Variants in KCND2 observed in about 807,000 individuals in gnomAD.
KCND2 encodes the protein potassium voltage-gated channel subfamily D member 2.
KCND2 carries 16 observed loss-of-function variants against 54.4 expected under a neutral mutation model. That is an observed-to-expected ratio of 0.29 (90% CI 0.20 to 0.45). The LOEUF (loss-of-function observed/expected upper bound fraction) is 0.45, where lower values mean the gene tolerates loss of function less well. Ranked by LOEUF, KCND2 falls within the 20% of genes least tolerant of loss-of-function variation. The pLI is 1.00. For missense variants in KCND2, 486 were observed against 824.2 expected, an observed-to-expected ratio of 0.59 and a Z score of 5.02; for synonymous variants, 317 against 310.7, an observed-to-expected ratio of 1.02 and a Z score of -0.21.
At chr7:120,477,061 G>A (rs866255328) in intron 1 of KCND2, among the ~76,000 whole-genome samples, 1 of 152,136 alleles carries the variant, frequency 6.6e-6, no homozygotes, top group African/African-American at 2.4e-5. Context: ...GTGCATAATG[G>A]TAAGCTACAG....
At chr7:120,690,798 T>C (rs1036005222) in intron 1 of KCND2, among the ~76,000 whole-genome samples, 6 of 152,180 alleles carry the variant, frequency 3.9e-5, no homozygotes, top group Non-Finnish European at 7.3e-5. Flanking sequence ...TTTGCCCTTA[T>C]GGATCTTACA....
At chr7:120,484,134 T>G (rs1255730658) in intron 1 of KCND2, among the ~76,000 whole-genome samples, 1 of 152,046 alleles carries the variant, frequency 6.6e-6, no homozygotes, top group African/African-American at 2.4e-5. Flanking sequence ...GATTTAAGTG[T>G]GAGAAGGCAG....
intron 1 of KCND2, among the ~76,000 whole-genome samples, chr7:120,377,941 A>AC (rs1800859088): frequency 6.6e-6 from 1 of 151,626 alleles, no homozygotes; most frequent in Non-Finnish European, 1.5e-5. Flanking sequence ...ATGTAATGTG[A>AC]CCCCCACTAA....
At chr7:120,744,662 C>T (rs1449499575) in intron 4 of KCND2, among the ~76,000 whole-genome samples, 1 of 152,052 alleles carries the variant, frequency 6.6e-6, no homozygotes, top group Non-Finnish European at 1.5e-5. Flanking sequence ...TTTCAAAATG[C>T]TTGTCTCAGC....
chr7:120,697,145 A>G (rs985043350), intron 1 of KCND2, among the ~76,000 whole-genome samples: 12 of 152,154 alleles, frequency 7.9e-5, no homozygotes, highest in African/African-American at 2.9e-4. Context: ...GTGAGTTTTC[A>G]TTCTAATTAC....
intron 1 of KCND2, among the ~76,000 whole-genome samples, chr7:120,326,257 A>AAC (rs1292513546): frequency 6.6e-6 from 1 of 152,072 alleles, no homozygotes; most frequent in Non-Finnish European, 1.5e-5. Flanking sequence ...GCACTCTGAT[A>AAC]AATTCAATGT....
chr7:120,350,820 T>A (rs985839535), intron 1 of KCND2, among the ~76,000 whole-genome samples: 2 of 152,200 alleles, frequency 1.3e-5, no homozygotes, highest in African/African-American at 4.8e-5. Flanking sequence ...TGCCAACTTC[T>A]AAGTTGTGTT....
chr7:120,729,268 A>G (rs1451077192), intron 1 of KCND2, among the ~76,000 whole-genome samples: 3 of 152,242 alleles, frequency 2.0e-5, no homozygotes, highest in African/African-American at 7.2e-5. Context: ...CAAAATGAGT[A>G]ATGTAAAAAC....
intron 1 of KCND2, among the ~76,000 whole-genome samples, chr7:120,423,935 T>G (rs912931333): frequency 6.6e-6 from 1 of 152,178 alleles, no homozygotes; most frequent in African/African-American, 2.4e-5. Flanking sequence ...CTCACAACCT[T>G]TGTATGACAA....
chr7:120,460,558 C>CTT (rs67237835), intron 1 of KCND2, among the ~76,000 whole-genome samples: 9,452 of 130,190 alleles, frequency 0.073, 1,034 homozygotes, highest in African/African-American at 0.24. Context: ...CCACCACGGC[C>CTT]TTTTTTTTTT....
At chr7:120,530,167 T>A (rs1791825396) in intron 1 of KCND2, among the ~76,000 whole-genome samples, 1 of 152,192 alleles carries the variant, frequency 6.6e-6, no homozygotes, top group African/African-American at 2.4e-5. Flanking sequence ...TGTACATTTT[T>A]AAATAACTAA....
intron 1 of KCND2, among the ~76,000 whole-genome samples, chr7:120,678,343 T>TTATATATATATATATATATATA (rs3067141): frequency 8.3e-6 from 1 of 120,272 alleles, no homozygotes; most frequent in Admixed American, 8.5e-5. Context: ...GTATGATTAT[T>TTATATATATATATATATATATA]TATATATATA....
chr7:120,443,249 G>A (rs1801968054), intron 1 of KCND2, among the ~76,000 whole-genome samples: 2 of 151,838 alleles, frequency 1.3e-5, no homozygotes, highest in Admixed American at 1.3e-4. Flanking sequence ...ATAAATTCTG[G>A]CTTTGAAATA....
At chr7:120,451,341 A>G (rs1050149969) in intron 1 of KCND2, among the ~76,000 whole-genome samples, 5 of 152,224 alleles carry the variant, frequency 3.3e-5, no homozygotes, top group Non-Finnish European at 5.9e-5. Flanking sequence ...AACTCTGTTG[A>G]CAGAGTAGGG....
intron 1 of KCND2, among the ~76,000 whole-genome samples, chr7:120,711,915 G>T (rs969018942): frequency 6.6e-6 from 1 of 152,068 alleles, no homozygotes; most frequent in African/African-American, 2.4e-5. Flanking sequence ...AAAATACACA[G>T]GCTAAAGTGA....
In KCND2 at chr7:120,747,838, G is replaced by T. The variant is rs757426235; in HGVS notation, c.1873G>T (p.Val625Phe). 39 of 1,611,840 alleles carry T rather than the reference G, an allele frequency of 2.4e-5. No individual in the cohort carries two copies. The highest frequency in any genetic ancestry group is 1.6e-4 in the Middle Eastern group (1 of 6,078). Residue 625 changes from valine (V) to phenylalanine (F), a missense_variant, in exon 6 of 6, where the codon GTC becomes TTC. Transcript: ENST00000331113. Reference protein sequence around the residue: ...ESPEYSGGNIVRVSAL With the variant: ...ESPEYSGGNIFRVSAL Reference sequence around the variant, plus strand: ...CCCTGAGTACTCAGGAGGAAATATTGTCAGAGTTTCTGCTTTGTAAGACAA... The same window carrying T: ...CCCTGAGTACTCAGGAGGAAATATTTTCAGAGTTTCTGCTTTGTAAGACAA...
intron 1 of KCND2, among the ~76,000 whole-genome samples, chr7:120,440,737 A>G (rs1178070882): frequency 6.6e-6 from 1 of 152,020 alleles, no homozygotes; most frequent in African/African-American, 2.4e-5. Flanking sequence ...CCATGTATTG[A>G]AGAGTGTCCC....
chr7:120,659,226 T>C (rs959242853), intron 1 of KCND2, among the ~76,000 whole-genome samples: 3 of 152,194 alleles, frequency 2.0e-5, no homozygotes, highest in African/African-American at 7.2e-5. Context: ...TGCCATGTCT[T>C]CACTTGTGCA....
At chr7:120,670,777 G>A (rs1328163551) in intron 1 of KCND2, among the ~76,000 whole-genome samples, 6 of 151,866 alleles carry the variant, frequency 4.0e-5, no homozygotes, top group Admixed American at 3.3e-4. Flanking sequence ...TTCGCCAGGC[G>A]TGGTGGCGGG....
Sources: gnomAD v4.1 joint callset for allele counts (sites outside exome capture counted in the v4.1 genomes callset) on GRCh38, gnomAD v4.1.1 for gene constraint, MANE v1.5 for transcripts, NCBI Gene and HGNC (gene_info 2026-07-23, HGNC 2026-07-21) for gene names.